CAMTA1: variants seen among roughly 807,000 people sequenced by gnomAD.
CAMTA1 encodes the protein calmodulin binding transcription activator 1.
CAMTA1 carries 27 observed loss-of-function variants against 170.9 expected under a neutral mutation model. The ratio of observed to expected loss-of-function variants is 0.16; its 90% CI spans 0.12 to 0.22. CAMTA1 has a LOEUF of 0.22. CAMTA1 is among the 10% of genes least tolerant of loss of function. The pLI, the probability that CAMTA1 is intolerant of heterozygous loss-of-function variation, is 1.00. For missense variants in CAMTA1, 1,619 were observed against 2,217.2 expected, an observed-to-expected ratio of 0.73 and a Z score of 5.42; for synonymous variants, 833 against 891.5, an observed-to-expected ratio of 0.93 and a Z score of 1.17.
At chr1:7,282,012 G>A (rs2149459788) in intron 5 of CAMTA1, among the ~76,000 whole-genome samples, 1 of 152,228 alleles carries the variant, frequency 6.6e-6, no homozygotes, top group East Asian at 1.9e-4. Context: ...CTGCTCCCAA[G>A]GAGAGTCAAA....
intron 4 of CAMTA1, chr1:7,219,542 T>TAAAAA (rs34288461): frequency 2.0e-3 from 130 of 65,278 alleles, no homozygotes; most frequent in African/African-American, 7.5e-3. Context: ...AATTTTTTCT[T>TAAAAA]AAAAAAAAAA....
intron 3 of CAMTA1, among the ~76,000 whole-genome samples, chr1:6,906,071 C>G (rs1678394800): frequency 6.7e-6 from 1 of 148,562 alleles, no homozygotes; most frequent in Admixed American, 6.6e-5. Flanking sequence ...GTGAGCCCTC[C>G]AAGTCACCCA....
At chr1:7,527,651 A>T (rs748717633) in intron 6 of CAMTA1, among the ~76,000 whole-genome samples, 2 of 152,188 alleles carry the variant, frequency 1.3e-5, no homozygotes, top group Admixed American at 1.3e-4. Flanking sequence ...AAGAGGCCAG[A>T]ATGCTCATCG....
intron 6 of CAMTA1, among the ~76,000 whole-genome samples, chr1:7,568,152 A>G (rs1179358775): frequency 1.3e-5 from 2 of 151,120 alleles, no homozygotes; most frequent in Non-Finnish European, 2.9e-5. Context: ...CACCATCATC[A>G]TCCTTATCAT....
intron 4 of CAMTA1, among the ~76,000 whole-genome samples, chr1:7,141,076 G>T (rs2148615242): frequency 6.6e-6 from 1 of 152,290 alleles, no homozygotes; most frequent in African/African-American, 2.4e-5. Context: ...TGGCTCTTCA[G>T]CTGGACTCGG....
chr1:7,134,253 G>A (rs565704259), intron 4 of CAMTA1, among the ~76,000 whole-genome samples: 1 of 152,168 alleles, frequency 6.6e-6, no homozygotes, highest in East Asian at 1.9e-4. Context: ...TGGCTGCATA[G>A]TATTCTATTG....
In CAMTA1 at chr1:7,087,629, C is replaced by T. The variant is rs137892003; in HGVS notation, c.235-3675C>T. Among the ~76,000 whole-genome samples the T allele has an allele frequency of 2.6e-5, 4 of 152,328 alleles. No individual in the cohort carries two copies. The East Asian group carries it at 7.7e-4, about 29-fold the overall frequency. ...TTCTGCATGGGTTTGGGTTCTGGTT[C>T]TACAGGTACTGGCCATGTGACCTTA... On this transcript the variant is annotated intron_variant, in intron 3 of 22. Transcript: ENST00000303635.
chr1:7,270,194 T>G (rs1175031008), intron 5 of CAMTA1, among the ~76,000 whole-genome samples: 1 of 144,294 alleles, frequency 6.9e-6, no homozygotes, highest in East Asian at 1.9e-4. Context: ...ACAGGATTTA[T>G]ATATATACAC....
chr1:6,861,697 C>T (rs1664750691), intron 3 of CAMTA1, among the ~76,000 whole-genome samples: 1 of 152,150 alleles, frequency 6.6e-6, no homozygotes, highest in Non-Finnish European at 1.5e-5. Flanking sequence ...ATTGGCCAAA[C>T]TGCTTTAAAA....
At chr1:7,712,534 G>T (rs2096578570) in intron 11 of CAMTA1, among the ~76,000 whole-genome samples, 1 of 152,116 alleles carries the variant, frequency 6.6e-6, no homozygotes, top group African/African-American at 2.4e-5. Context: ...TGCCCAGGCT[G>T]GTCTTGAACT....
Position 7,170,535 on chromosome 1 carries a change from A to G in CAMTA1, c.303-78956A>G, listed in dbSNP as rs186728515. Among the ~76,000 whole-genome samples the G allele has an allele frequency of 2.5e-4, 38 of 150,964 alleles. 1 individual carries two copies. In the East Asian group the frequency reaches 6.0e-3, roughly 24 times the overall value. The stretch of plus-strand genomic sequence containing the variant: ...TGTGTCCATGTGTTCTCATTGTTCA[A>G]CTCCCACTTCTGAGTGAGAACATGC... On this transcript the variant is annotated intron_variant, in intron 4 of 22. Coordinates refer to ENST00000303635, the MANE Select transcript of CAMTA1 (RefSeq NM_015215.4).
rs769040847 is a variant in CAMTA1 at position 7,685,072 on chromosome 1, G to A, written c.2914+7339G>A. Among the ~76,000 whole-genome samples, 3 of 151,954 alleles carry A rather than the reference G, an allele frequency of 2.0e-5. No individual in the cohort carries two copies. The highest frequency in any genetic ancestry group is 2.1e-4 in the South Asian group (1 of 4,804). ...TTGAGGAGTTCGCAGGCACCGTCCC[G>A]TGGTCACAGGTGGCGTGTTTTGAGG... On this transcript the variant is annotated intron_variant, in intron 11 of 22. Coordinates refer to ENST00000303635, the MANE Select transcript of CAMTA1 (RefSeq NM_015215.4). The surrounding 1 kb of genome is among the most constrained non-coding windows in gnomAD (Gnocchi z 5.7).
chr1:7,630,121 C>T (rs563071208), intron 6 of CAMTA1, among the ~76,000 whole-genome samples: 9 of 152,356 alleles, frequency 5.9e-5, no homozygotes, highest in South Asian at 2.1e-4. Flanking sequence ...CCCACGCATA[C>T]GTGCTGTTGG....
intron 3 of CAMTA1, among the ~76,000 whole-genome samples, chr1:7,062,125 C>A (rs1708312558): frequency 1.3e-5 from 2 of 152,162 alleles, no homozygotes; most frequent in South Asian, 4.2e-4. Context: ...GCCATGTTGA[C>A]CAGGCTGGTC....
chr1:7,697,235 GGGT>G (rs1292623615), intron 11 of CAMTA1, among the ~76,000 whole-genome samples: 1 of 152,008 alleles, frequency 6.6e-6, no homozygotes, highest in Non-Finnish European at 1.5e-5. Context: ...GGTGATTTCC[GGGT>G]TCTATCCCCT....
Position 7,738,196 on chromosome 1 carries a change from A to C in CAMTA1, c.3896A>C (p.Glu1299Ala). 6.2e-7 allele frequency: 1 copy of C among 1,613,928 alleles called. No homozygotes were observed. The highest frequency in any genetic ancestry group is 8.5e-7 in the Non-Finnish European group (1 of 1,180,008). Residue 1299 changes from glutamate (E) to alanine (A), a missense_variant, in exon 16 of 23, where the codon GAA (glutamate) becomes GCA (alanine). Transcript: ENST00000303635. This position sits in a 1 kb window ranked among gnomAD's most constrained non-coding sequence, Gnocchi z 4.9. ...PSEGVRDFSR[E>A]LSPPTPETAA... ...GAAGGAGTGAGGGACTTCAGCCGGG[A>C]ACTCTCCCCTCCCACTCCAGAGACT...
At chr1:7,272,421 A>G (rs1394460864) in intron 5 of CAMTA1, among the ~76,000 whole-genome samples, 1 of 152,086 alleles carries the variant, frequency 6.6e-6, no homozygotes, top group Non-Finnish European at 1.5e-5. Context: ...ATGGAAATAC[A>G]AGGGACCTGG....
At chr1:7,155,760 T>C (rs1229738380) in intron 4 of CAMTA1, among the ~76,000 whole-genome samples, 2 of 152,098 alleles carry the variant, frequency 1.3e-5, no homozygotes, top group African/African-American at 4.8e-5. Flanking sequence ...AGGCCGCCCC[T>C]CTGTTAGAAG....
rs1674440214 is a variant in CAMTA1 at position 7,299,461 on chromosome 1, G to T, written c.438+49835G>T. ...CACCCCAGTAATCCAGGCTTTCTCTGGAATTCTCCCACTTGTTTATAGTCT... is the reference window on the plus strand; with the variant it reads ...CACCCCAGTAATCCAGGCTTTCTCTTGAATTCTCCCACTTGTTTATAGTCT... On this transcript the variant is annotated intron_variant, in intron 5 of 22. Transcript: ENST00000303635. The surrounding 1 kb of genome is among the most constrained non-coding windows in gnomAD (Gnocchi z 4.7). 1.3e-5 allele frequency among the ~76,000 whole-genome samples: 2 copies of T among 152,198 alleles called. No individual in the cohort carries two copies. The highest frequency in any genetic ancestry group is 4.8e-5 in the African/African-American group (2 of 41,456).
Sources: gnomAD v4.1 joint callset for allele counts (sites outside exome capture counted in the v4.1 genomes callset) on GRCh38, gnomAD v4.1.1 for gene constraint, Gnocchi (gnomAD v3.1) non-coding constraint, MANE v1.5 for transcripts, NCBI Gene and HGNC (gene_info 2026-07-23, HGNC 2026-07-21) for gene names.